The following ATP10A variants were observed in gnomAD, a reference collection of about 807,000 sequenced individuals.
ATP10A encodes the protein phospholipid-transporting ATPase VA.
A neutral mutation model predicts 147.8 loss-of-function variants in ATP10A; 111 were observed. The ratio of observed to expected loss-of-function variants is 0.75; its 90% CI spans 0.64 to 0.88. The LOEUF (loss-of-function observed/expected upper bound fraction) is 0.88. ATP10A is among the 40% of genes least tolerant of loss of function. The probability of loss-of-function intolerance (pLI) is 0.00; values close to 1 mark genes in which losing one functional copy is unlikely to be tolerated. For missense variants in ATP10A, 1,927 were observed against 1,959.0 expected (o/e 0.98, Z 0.31); for synonymous variants, 875 against 841.6 (o/e 1.04, Z -0.69).
intron 12 of ATP10A, 45 bp from the exon 13 acceptor site, chr15:25,702,145 C>A: frequency 1.3e-6 from 2 of 1,554,082 alleles, no homozygotes; most frequent in South Asian, 1.2e-5. Flanking sequence ...TTCTCACGTG[C>A]CCCCCAATCC....
chr15:25,846,233 G>A (rs556178464), intron 1 of ATP10A, among the ~76,000 whole-genome samples: 2 of 152,198 alleles, frequency 1.3e-5, no homozygotes, highest in South Asian at 2.1e-4. Context: ...GGAGGGCGGC[G>A]GTGATGCTCA....
intron 1 of ATP10A, among the ~76,000 whole-genome samples, chr15:25,804,589 C>A (rs1891098706): frequency 6.6e-6 from 1 of 152,024 alleles, no homozygotes; most frequent in Admixed American, 6.6e-5. Context: ...GTGGAAAGAG[C>A]TGAGGCCTTA....
chr15:25,767,292 G>A (rs550322815), intron 2 of ATP10A, among the ~76,000 whole-genome samples: 35 of 152,318 alleles, frequency 2.3e-4, no homozygotes, highest in African/African-American at 7.2e-4. Flanking sequence ...CCCCTGAGAC[G>A]GTGAAGGGGG....
At position 25,764,092 on chromosome 15, in the gene ATP10A, C is replaced by A. The variant is rs79842889; in HGVS notation, c.654+16927G>T. ...AGTCTCCAATGGGCACATGAATCCC[C>A]CAGGATCTTGTCAAAATGCAGATCC... On this transcript the variant is annotated intron_variant, in intron 2 of 20. Coordinates refer to ENST00000555815, the MANE Select transcript of ATP10A (RefSeq NM_024490.4). Among the ~76,000 whole-genome samples the A allele has an allele frequency of 7.2e-4, 109 of 152,242 alleles. 2 individuals are homozygous for A. In the East Asian group the frequency reaches 0.02, roughly 28 times the overall value.
chr15:25,860,151 G>C (rs559700951), intron 1 of ATP10A, among the ~76,000 whole-genome samples: 1 of 152,120 alleles, frequency 6.6e-6, no homozygotes, highest in Non-Finnish European at 1.5e-5. Context: ...GCTTCATGTC[G>C]ATGCTTCACC....
chr15:25,807,342 C>T (rs1484372360), intron 1 of ATP10A, among the ~76,000 whole-genome samples: 1 of 152,238 alleles, frequency 6.6e-6, no homozygotes, highest in Non-Finnish European at 1.5e-5. Context: ...GGGCTGGCTT[C>T]AGGCCATCTG....
chr15:25,805,009 C>A (rs1037020463), intron 1 of ATP10A, among the ~76,000 whole-genome samples: 17 of 152,164 alleles, frequency 1.1e-4, no homozygotes, highest in African/African-American at 2.2e-4. Flanking sequence ...AGGAAAAATT[C>A]TTTTGAAATA....
rs540306644 is a variant in ATP10A, at chr15:25,815,967, A to C, written c.450-34744T>G. ...TAATCTGACAATTGTGTAGGGTGGA[A>C]AGTTTTAAGAAAAGAAGAAATTACT... On this transcript the variant is annotated intron_variant, in intron 1 of 20. Transcript: ENST00000555815. Among the ~76,000 whole-genome samples, 6 of 151,664 alleles carry C rather than the reference A, an allele frequency of 4.0e-5. No homozygotes were observed. The South Asian group carries it at 6.3e-4, about 16-fold the overall frequency.
chr15:25,768,450 C>T (rs1221730178), intron 2 of ATP10A, among the ~76,000 whole-genome samples: 1 of 152,114 alleles, frequency 6.6e-6, no homozygotes, highest in African/African-American at 2.4e-5. Flanking sequence ...CCTGTCCACC[C>T]CAAGTGCTTC....
chr15:25,761,486 G>T (rs773844108), intron 2 of ATP10A, among the ~76,000 whole-genome samples: 12 of 152,242 alleles, frequency 7.9e-5, no homozygotes, highest in Non-Finnish European at 5.9e-5. Context: ...GCCTGGAAAA[G>T]CCACAGACAC....
At chr15:25,743,982 G>A (rs1006124125) in intron 2 of ATP10A, among the ~76,000 whole-genome samples, 1 of 152,040 alleles carries the variant, frequency 6.6e-6, no homozygotes, top group Non-Finnish European at 1.5e-5. Context: ...ACAGGTTTAG[G>A]TGAGTAAGAT....
At chr15:25,718,457 G>A (rs771401185) in intron 7 of ATP10A, 58 bp from the exon 8 acceptor site, 1 of 1,507,590 alleles carries the variant, frequency 6.6e-7, no homozygotes, top group Admixed American at 2.0e-5. Flanking sequence ...GGAGCAGAAA[G>A]AAACCATTCA....
At chr15:25,689,484 C>T (rs1391324692) in intron 15 of ATP10A, among the ~76,000 whole-genome samples, 1 of 152,194 alleles carries the variant, frequency 6.6e-6, no homozygotes, top group Admixed American at 6.5e-5. Flanking sequence ...TCCTCCACGG[C>T]TCAGCTCTGA....
At chr15:25,685,453 C>A (rs559849898) in intron 16 of ATP10A, among the ~76,000 whole-genome samples, 1 of 152,318 alleles carries the variant, frequency 6.6e-6, no homozygotes, top group East Asian at 1.9e-4. Context: ...CTACATCATT[C>A]TTGCCCTCCC....
intron 1 of ATP10A, among the ~76,000 whole-genome samples, chr15:25,793,233 T>G (rs2140753059): frequency 6.6e-6 from 1 of 152,294 alleles, no homozygotes; most frequent in South Asian, 2.1e-4. Context: ...AAGGCCATTT[T>G]ATTCAATTCC....
At chr15:25,796,451 C>T (rs778061615) in intron 1 of ATP10A, among the ~76,000 whole-genome samples, 2 of 152,220 alleles carry the variant, frequency 1.3e-5, no homozygotes, top group African/African-American at 2.4e-5. Flanking sequence ...GAGTGTGGCA[C>T]TGGCCTCTTT....
chr15:25,854,521 A>G (rs1893424792), intron 1 of ATP10A, among the ~76,000 whole-genome samples: 1 of 152,272 alleles, frequency 6.6e-6, no homozygotes, highest in African/African-American at 2.4e-5. Flanking sequence ...TACCAAGTGC[A>G]TATGACAACA....
chr15:25,672,491 G>T (rs1238224752), downstream of ATP10A, among the ~76,000 whole-genome samples: 1 of 152,108 alleles, frequency 6.6e-6, no homozygotes, highest in African/African-American at 2.4e-5. Flanking sequence ...GAATTGCTTG[G>T]GTAGGTACCT....
intron 2 of ATP10A, among the ~76,000 whole-genome samples, chr15:25,773,251 T>C (rs1889428434): frequency 6.6e-6 from 1 of 152,112 alleles, no homozygotes; most frequent in East Asian, 1.9e-4. Context: ...AGCCTTCCAC[T>C]TGAGGAGCAC....
Sources: allele counts gnomAD v4.1 joint callset (sites outside exome capture counted in the v4.1 genomes callset), GRCh38; gene constraint gnomAD v4.1.1; transcripts MANE v1.5; gene names NCBI Gene and HGNC (gene_info 2026-07-23, HGNC 2026-07-21).